The following TMEM67 variants were observed in gnomAD, a reference collection of about 807,000 sequenced individuals.
TMEM67 encodes meckelin.
Under a neutral mutation model 136.6 loss-of-function variants are expected in TMEM67, and 124 were observed. The ratio of observed to expected loss-of-function variants is 0.91; its 90% CI spans 0.78 to 1.05. The LOEUF is 1.05. Ranked by LOEUF, TMEM67 falls within the 50% of genes least tolerant of loss-of-function variation. The pLI is 0.00. For synonymous variants in TMEM67, 364 were observed against 390.5 expected (o/e 0.93, Z 0.80); for missense variants, 1,107 against 1,178.4 (o/e 0.94, Z 0.89).
intron 26 of TMEM67, among the ~76,000 whole-genome samples, chr8:93,810,208 A>G (rs1349622097): frequency 6.7e-6 from 1 of 149,676 alleles, no homozygotes; most frequent in Non-Finnish European, 1.5e-5. Flanking sequence ...TGACCTCGTG[A>G]TCCGCCCACC....
rs1808868159 is a variant in TMEM67, at chr8:93,815,410, T to C, written c.2870T>C (p.Phe957Ser). Residue 957 changes from phenylalanine (F) to serine (S), a missense_variant, in exon 27 of 28, where the codon TTT becomes TCT. Physicochemically the swap from Phe to Ser is radical, Grantham distance 155 (BLOSUM62 -2). Transcript: ENST00000453321. The part of the protein sequence containing the change: ...FCVVDLACQN[F>S]ILASFLTYLQ... Reference sequence around the variant, plus strand: ...GTTGTGGATTTGGCTTGCCAAAATTTTATTTTAGCATCCTTCCTTACATAT... The same window carrying C: ...GTTGTGGATTTGGCTTGCCAAAATTCTATTTTAGCATCCTTCCTTACATAT... The C allele has an allele frequency of 6.2e-7, 1 of 1,612,914 alleles. No individual in the cohort carries two copies. The highest frequency in any genetic ancestry group is 8.5e-7 in the Non-Finnish European group (1 of 1,179,670).
chr8:93,811,102 G>A (rs564400759), intron 26 of TMEM67, among the ~76,000 whole-genome samples: 121 of 152,302 alleles, frequency 7.9e-4, no homozygotes, highest in African/African-American at 2.7e-3. Context: ...CCTACCTTGG[G>A]TATCTTGTTT....
chr8:93,815,725 C>T (rs1808880708), intron 27 of TMEM67, among the ~76,000 whole-genome samples: 1 of 152,144 alleles, frequency 6.6e-6, no homozygotes, highest in Non-Finnish European at 1.5e-5. Flanking sequence ...CTGCTAGTCT[C>T]CTAGATGCTA....
chr8:93,821,887 C>T (rs550444314), downstream of TMEM67, among the ~76,000 whole-genome samples: 1 of 152,066 alleles, frequency 6.6e-6, no homozygotes, highest in Admixed American at 6.6e-5. Flanking sequence ...CACAGTGAGA[C>T]CCTGTCTGTC....
chr8:93,765,421 G>A lies in TMEM67; in HGVS notation c.522G>A (p.Glu174=). The part of the protein sequence containing the change: ...NALGDRCVRC[E]PTFVNTSRSC... ...TATTGAACAGGTGCGTCCGATGTGA[G>A]CCAACATTTGTTAATACCAGCAGGT... The change falls in exon 5 of 28, where the codon GAG becomes GAA. Residue 174 remains glutamate (E), a synonymous_variant. Coordinates refer to ENST00000453321, the MANE Select transcript of TMEM67 (RefSeq NM_153704.6). 2 of 1,611,662 alleles carry A rather than the reference G, an allele frequency of 1.2e-6. No individual in the cohort carries two copies. Among genetic ancestry groups the A allele is most frequent in the Non-Finnish European group, 1.7e-6 (2 of 1,179,644 alleles).
intron 7 of TMEM67, among the ~76,000 whole-genome samples, chr8:93,779,068 T>C (rs1813688529): frequency 6.6e-6 from 1 of 152,220 alleles, no homozygotes; most frequent in South Asian, 2.1e-4. Flanking sequence ...TAGTCTTTTT[T>C]CTCTAACCTT....
At chr8:93,760,976 G>A (rs1234892135) in intron 3 of TMEM67, among the ~76,000 whole-genome samples, 1 of 152,222 alleles carries the variant, frequency 6.6e-6, no homozygotes, top group Admixed American at 6.5e-5. Context: ...GTACGTTAAA[G>A]CTAAAATGAG....
At chr8:93,825,033 A>C in the TMEM67 span, among the ~76,000 whole-genome samples, 1 of 152,182 alleles carries the variant, frequency 6.6e-6, no homozygotes, top group Middle Eastern at 3.2e-3. Context: ...CCTCTTCTTT[A>C]TCTGTCAACC....
At chr8:93,768,805 A>G (rs1586021472) in intron 6 of TMEM67, among the ~76,000 whole-genome samples, 1 of 150,958 alleles carries the variant, frequency 6.6e-6, no homozygotes, top group Middle Eastern at 3.4e-3. Context: ...TTTCTATTCC[A>G]CCTCCACATT....
At chr8:93,780,333 G>T (rs1813757482) in intron 7 of TMEM67, among the ~76,000 whole-genome samples, 2 of 152,104 alleles carry the variant, frequency 1.3e-5, no homozygotes. Context: ...CCTGGGTGAG[G>T]TGATGCCCCA....
Position 93,765,579 on chromosome 8 carries a change from G to C in TMEM67, c.584G>C (p.Gly195Ala). ...ACSEPNILTG[G>A]LCFSSTGNFP... ...CCTCATTTATTTATGAAGACAGGGG[G>C]ATTATGTTTCAGCAGCACAGGGAAT... The change falls in exon 6 of 28, where the codon GGA becomes GCA. Residue 195 changes from glycine (G) to alanine (A), a missense_variant. Transcript: ENST00000453321. 6.2e-7 allele frequency: 1 copy of C among 1,612,398 alleles called. No homozygotes were observed. The highest frequency in any genetic ancestry group is 1.3e-5 in the African/African-American group (1 of 74,990).
chr8:93,754,929 T>C lies in TMEM67; in HGVS notation c.15T>C (p.Gly5=), dbSNP rs767145640. 1.2e-6 allele frequency: 2 copies of C among 1,613,720 alleles called. No individual in the cohort carries two copies. Among genetic ancestry groups the C allele is most frequent in the Non-Finnish European group, 1.7e-6 (2 of 1,179,980 alleles). Residue 5 remains glycine, a synonymous_variant, in exon 1 of 28, where the codon GGT becomes GGC. Coordinates refer to ENST00000453321, the MANE Select transcript of TMEM67 (RefSeq NM_153704.6). MATR[G]GAGVAMAVWS... Reference sequence around the variant, plus strand: ...GCGTCGGTACCATGGCGACGCGCGGTGGGGCTGGGGTGGCAATGGCGGTTT... The same window carrying C: ...GCGTCGGTACCATGGCGACGCGCGGCGGGGCTGGGGTGGCAATGGCGGTTT...
At chr8:93,781,204 C>T (rs1354587763) in intron 9 of TMEM67, among the ~76,000 whole-genome samples, 2 of 152,170 alleles carry the variant, frequency 1.3e-5, no homozygotes, top group African/African-American at 4.8e-5. Flanking sequence ...AGAAGTTGTA[C>T]TTGTAGGGTT....
chr8:93,793,286 T>C lies in TMEM67; in HGVS notation c.1664T>C (p.Ile555Thr). 1 of 1,613,214 alleles carries C rather than the reference T, an allele frequency of 6.2e-7. No individual in the cohort carries two copies. Among genetic ancestry groups the C allele is most frequent in the South Asian group, 1.1e-5 (1 of 91,060 alleles). The change falls in exon 16 of 28, where the codon ATT becomes ACT. Residue 555 changes from isoleucine to threonine, a missense_variant. By Grantham distance (89) the Ile-to-Thr change is moderately conservative (BLOSUM62 -1). Around this residue, in one of 3 missense-constraint regions of TMEM67, gnomAD observed 925 missense variants for 1,002.4 expected, o/e 0.92. Coordinates refer to ENST00000453321, the MANE Select transcript of TMEM67 (RefSeq NM_153704.6). The stretch of plus-strand genomic sequence containing the variant: ...AAGAGGCGCATTGGGAGTCCCATGA[T>C]TGATTTACAGGTATAATCTCAGGAG... The part of the protein sequence containing the change: ...GWKRRIGSPM[I>T]DLQTVVKFLV...
At chr8:93,785,127 G>A in intron 11 of TMEM67, 95 bp from the exon 12 acceptor site, 1 of 828,274 alleles carries the variant, frequency 1.2e-6, no homozygotes, top group African/African-American at 1.7e-5. Flanking sequence ...AAATATGCTT[G>A]CTAATTTTCA....
intron 26 of TMEM67, among the ~76,000 whole-genome samples, chr8:93,810,303 A>T (rs992105454): frequency 1.4e-5 from 2 of 144,998 alleles, no homozygotes; most frequent in African/African-American, 5.0e-5. Flanking sequence ...TTTTTTGGCT[A>T]GGTGCGGTGG....
chr8:93,808,274 T>C (rs974042372), intron 23 of TMEM67, among the ~76,000 whole-genome samples: 4 of 144,032 alleles, frequency 2.8e-5, no homozygotes, highest in African/African-American at 5.0e-5. Context: ...TATATAAATA[T>C]ATATACCTAT....
Position 93,785,263 on chromosome 8 carries a change from T to G in TMEM67, c.1173T>G (p.Thr391=). 1 of 1,598,888 alleles carries G rather than the reference T, an allele frequency of 6.3e-7. No individual in the cohort carries two copies. The highest frequency in any genetic ancestry group is 8.6e-7 in the Non-Finnish European group (1 of 1,167,004). ...CTAAGATCTTAATTGACTTTCCCAC[T>G]CCTATATTTTATGATGTGTACCTTG... is the stretch of plus-strand genomic sequence containing the variant. ...PISKILIDFP[T]PIFYDVYLEY... The change falls in exon 12 of 28, where the codon ACT becomes ACG. Residue 391 remains threonine, a synonymous_variant. Coordinates refer to ENST00000453321, the MANE Select transcript of TMEM67 (RefSeq NM_153704.6).
chr8:93,829,034 G>A, the TMEM67 span, among the ~76,000 whole-genome samples: 1 of 152,018 alleles, frequency 6.6e-6, no homozygotes, highest in Non-Finnish European at 1.5e-5. Flanking sequence ...TACAATTTGA[G>A]GTAACTATAT....
Sources: gnomAD v4.1 joint callset for allele counts (sites outside exome capture counted in the v4.1 genomes callset) on GRCh38, gnomAD v4.1.1 for gene constraint, gnomAD v4.1.1 regional missense constraint, MANE v1.5 for transcripts, NCBI Gene and HGNC (gene_info 2026-07-23, HGNC 2026-07-21) for gene names.